EDDM3A: variants seen among roughly 807,000 people sequenced by gnomAD.
EDDM3A encodes the protein epididymal secretory protein E3-alpha.
For synonymous variants in EDDM3A, 75 were observed against 60.4 expected (o/e 1.24, Z -1.12); for missense variants, 199 against 177.4 (o/e 1.12, Z -0.69).
intron 1 of EDDM3A, among the ~76,000 whole-genome samples, chr14:20,747,108 T>C (rs1270052886): frequency 6.6e-6 from 1 of 150,774 alleles, no homozygotes; most frequent in Non-Finnish European, 1.5e-5. Flanking sequence ...TATTCTTTTT[T>C]TTTTTTTTTT....
chr14:20,740,289 C>A, the EDDM3A span, among the ~76,000 whole-genome samples: 4 of 152,234 alleles, frequency 2.6e-5, no homozygotes, highest in African/African-American at 9.6e-5. Context: ...CCTGGAGGGT[C>A]CTCATGGGCA....
Position 20,748,086 on chromosome 14 carries a change from T to C in EDDM3A, c.*62T>C. The C allele has an allele frequency of 7.9e-7, 1 of 1,273,200 alleles. No homozygotes were observed. The highest frequency in any genetic ancestry group is 1.1e-6 in the Non-Finnish European group (1 of 919,714). The allele number at this position is 1,273,200 out of a possible 1,614,324, so 78.9% of individuals were successfully genotyped here. On this transcript the variant is annotated 3_prime_UTR_variant, in exon 2 of 2. Coordinates refer to ENST00000326842, the MANE Select transcript of EDDM3A (RefSeq NM_006683.5). ...TCAGTGCTTCCAAAGTGGTGGGCCC[T>C]GCCTCCATCAATAGCCCCTGCCACT...
chr14:20,747,428 T>C (rs1017355660), intron 1 of EDDM3A, 127 bp from the exon 2 acceptor site: 10 of 607,878 alleles, frequency 1.6e-5, no homozygotes, highest in Non-Finnish European at 2.8e-5. Context: ...AGAATCATCA[T>C]CTTCTAATAT....
chr14:20,743,278 G>C (rs182534634), upstream of EDDM3A, among the ~76,000 whole-genome samples: 370 of 152,242 alleles, frequency 2.4e-3, 2 homozygotes, highest in South Asian at 0.011. Context: ...GGCTTGGTGC[G>C]GTGGCTCACG....
upstream of EDDM3A, among the ~76,000 whole-genome samples, chr14:20,743,821 C>A (rs543809639): frequency 2.0e-5 from 3 of 152,182 alleles, no homozygotes; most frequent in Non-Finnish European, 2.9e-5. Context: ...GTAAATATAA[C>A]AATATGCTTT....
At chr14:20,746,384 C>T (rs1021166784) in intron 1 of EDDM3A, among the ~76,000 whole-genome samples, 1 of 152,034 alleles carries the variant, frequency 6.6e-6, no homozygotes, top group Non-Finnish European at 1.5e-5. Context: ...CTGAGGACAC[C>T]GATACTCAGA....
At chr14:20,738,504 A>AATAG in the EDDM3A span, among the ~76,000 whole-genome samples, 1 of 147,618 alleles carries the variant, frequency 6.8e-6, no homozygotes, top group African/African-American at 2.5e-5. Context: ...TAAATAAATA[A>AATAG]ATAAACAGTA....
chr14:20,748,285 C>G lies in EDDM3A; in HGVS notation c.*261C>G, dbSNP rs148591991. 1 of 373,680 alleles carries G rather than the reference C, an allele frequency of 2.7e-6. No individual in the cohort carries two copies. The highest frequency in any genetic ancestry group is 5.0e-6 in the Non-Finnish European group (1 of 198,422). 23.1% of individuals were successfully genotyped at this position (373,680 alleles called of 1,614,324 possible). ...ATTCAGCTCATATGGCATCTGTCCT[C>G]GACTAACCTAAGACTTTCCTGATAT... On this transcript the variant is annotated 3_prime_UTR_variant, in exon 2 of 2. Coordinates refer to ENST00000326842, the MANE Select transcript of EDDM3A (RefSeq NM_006683.5).
At chr14:20,737,054 C>CTTTTTTCTTTTTTTTTTTTTTT in the EDDM3A span, among the ~76,000 whole-genome samples, 1 of 109,966 alleles carries the variant, frequency 9.1e-6, no homozygotes, top group African/African-American at 3.1e-5. Flanking sequence ...TTTCTTTTTC[C>CTTTTTTCTTTTTTTTTTTTTTT]TTTTTTTTTT....
upstream of EDDM3A, among the ~76,000 whole-genome samples, chr14:20,744,065 A>G (rs1260636106): frequency 2.6e-5 from 4 of 152,212 alleles, no homozygotes; most frequent in African/African-American, 9.7e-5. Context: ...TTTGTCTTCA[A>G]TAGACAATGC....
chr14:20,740,842 C>T, the EDDM3A span, among the ~76,000 whole-genome samples: 25 of 139,284 alleles, frequency 1.8e-4, no homozygotes, highest in African/African-American at 8.5e-4. Flanking sequence ...CAGGAATGGC[C>T]TCCTCTTCTC....
rs772891033 is a variant in EDDM3A at position 20,748,000 on chromosome 14, G to A, written c.420G>A (p.Arg140=). The A allele has an allele frequency of 1.2e-5, 20 of 1,608,808 alleles. No individual in the cohort carries two copies. The highest frequency in any genetic ancestry group is 1.7e-5 in the Admixed American group (1 of 59,286). The change falls in exon 2 of 2, where the codon AGG becomes AGA. Residue 140 remains arginine, a synonymous_variant. Transcript: ENST00000326842. The stretch of plus-strand genomic sequence containing the variant: ...ATGTTGATAACATAGAAGACCTGAG[G>A]ATTATAGAACCTATCAGCAACTAGA... ...DGYVDNIEDL[R]IIEPISN is the part of the protein sequence containing the mutation.
At chr14:20,739,007 G>A in the EDDM3A span, among the ~76,000 whole-genome samples, 7 of 152,130 alleles carry the variant, frequency 4.6e-5, no homozygotes, top group Middle Eastern at 3.2e-3. Flanking sequence ...ATGAATGCAC[G>A]TTACCCTTAC....
chr14:20,740,186 A>G, the EDDM3A span, among the ~76,000 whole-genome samples: 2 of 152,058 alleles, frequency 1.3e-5, no homozygotes, highest in Non-Finnish European at 1.5e-5. Flanking sequence ...ATATTACACT[A>G]TTTCTCTGCT....
upstream of EDDM3A, among the ~76,000 whole-genome samples, chr14:20,742,571 GT>G (rs978341084): frequency 2.6e-5 from 4 of 151,816 alleles, no homozygotes; most frequent in South Asian, 8.3e-4. Flanking sequence ...AGGGTTTTGG[GT>G]TTTTTTTTAG....
the EDDM3A span, among the ~76,000 whole-genome samples, chr14:20,737,054 CTTT>C: frequency 5.5e-5 from 6 of 109,942 alleles, no homozygotes; most frequent in Non-Finnish European, 6.0e-5. Flanking sequence ...TTTCTTTTTC[CTTT>C]TTTTTTTTTT....
At chr14:20,735,979 C>T in the EDDM3A span, among the ~76,000 whole-genome samples, 1 of 152,140 alleles carries the variant, frequency 6.6e-6, no homozygotes, top group South Asian at 2.1e-4. Flanking sequence ...CTTCCCTGGC[C>T]CACTTCAGTC....
At chr14:20,743,760 A>C (rs1297293618), upstream of EDDM3A, among the ~76,000 whole-genome samples, 1 of 152,144 alleles carries the variant, frequency 6.6e-6, no homozygotes, top group Non-Finnish European at 1.5e-5. Flanking sequence ...TAGTTTCCAG[A>C]AATACTGGTT....
At position 20,747,943 on chromosome 14, in the gene EDDM3A, C is replaced by T. The variant is rs1347319117; in HGVS notation, c.363C>T (p.Ser121=). 6.2e-7 allele frequency: 1 copy of T among 1,613,998 alleles called. No individual in the cohort carries two copies. The highest frequency in any genetic ancestry group is 1.3e-5 in the African/African-American group (1 of 74,914). ...GGTACACAGAGAGCAGAAGCTTCAG[C>T]TACATTGAATTCCATTGTGGCGTAG... ...NNRYTESRSF[S]YIEFHCGVDG... The change falls in exon 2 of 2, where the codon AGC becomes AGT. Residue 121 remains serine (S), a synonymous_variant. Coordinates refer to ENST00000326842, the MANE Select transcript of EDDM3A (RefSeq NM_006683.5).
Sources: gnomAD v4.1 joint callset for allele counts (sites outside exome capture counted in the v4.1 genomes callset) on GRCh38, gnomAD v4.1.1 for gene constraint, MANE v1.5 for transcripts, NCBI Gene and HGNC (gene_info 2026-07-23, HGNC 2026-07-21) for gene names.